FMNL1: variants seen among roughly 807,000 people sequenced by gnomAD.
The protein encoded by FMNL1 is formin like 1.
In FMNL1, 43 loss-of-function variants were observed where a neutral mutation model predicts 121.3. The ratio of observed to expected loss-of-function variants is 0.35; its 90% CI spans 0.28 to 0.46. FMNL1 has a LOEUF of 0.46. FMNL1 is among the 20% of genes least tolerant of loss of function. The pLI, the probability that FMNL1 is intolerant of heterozygous loss-of-function variation, is 1.00. For missense variants in FMNL1, 1,191 were observed against 1,482.4 expected (o/e 0.80, Z 3.23); for synonymous variants, 613 against 613.5 (o/e 1.00, Z 0.01).
chr17:45,223,035 T>C (rs1218926496), intron 1 of FMNL1, among the ~76,000 whole-genome samples: 2 of 152,082 alleles, frequency 1.3e-5, no homozygotes, highest in Non-Finnish European at 2.9e-5. Context: ...GGGTGGGGGC[T>C]CCAGAGCAGA....
At position 45,242,001 on chromosome 17, in the gene FMNL1, G is replaced by A; in HGVS notation, c.1740G>A (p.Leu580=). Residue 580 remains leucine, a synonymous_variant, in exon 15 of 27, where the codon CTG becomes CTA. Transcript: ENST00000331495. Reference sequence around the variant, plus strand: ...CGGAGCCCCCGCCTGCGCCGCCGCTGCCCGGAGACCTGCCGCCCCCACCCC... The same window carrying A: ...CGGAGCCCCCGCCTGCGCCGCCGCTACCCGGAGACCTGCCGCCCCCACCCC... ...GSPEPPPAPP[L]PGDLPPPPPP... 2 of 1,313,026 alleles carry A rather than the reference G, an allele frequency of 1.5e-6. No individual in the cohort carries two copies. The highest frequency in any genetic ancestry group is 1.9e-6 in the Non-Finnish European group (2 of 1,030,440). 81.3% of individuals were successfully genotyped at this position (1,313,026 alleles called of 1,614,324 possible).
chr17:45,245,969 C>T lies in FMNL1; in HGVS notation c.3086C>T (p.Pro1029Leu), dbSNP rs1318650247. ...CCGGGCAAAGGGGAGCCCCCAGCAC[C>T]CAAGGTAGGCAACTGCTCCTGGGCT... ...DTPGKGEPPA[P>L]KSPPKARRPQ... Residue 1029 changes from proline (P) to leucine (L), a missense_variant, in exon 24 of 27, where the codon CCC becomes CTC. Physicochemically the swap from Pro to Leu is moderately conservative, Grantham distance 98. Around this residue, in one of 4 missense-constraint regions of FMNL1, gnomAD observed 367 missense variants for 528.6 expected, o/e 0.69. Coordinates refer to ENST00000331495, the MANE Select transcript of FMNL1 (RefSeq NM_005892.4). 4 of 1,556,128 alleles carry T rather than the reference C, an allele frequency of 2.6e-6. No homozygotes were observed. Among genetic ancestry groups the T allele is most frequent in the Non-Finnish European group, 2.6e-6 (3 of 1,157,816 alleles).
rs200394335 is a variant in FMNL1, at chr17:45,245,934, C to T, written c.3051C>T (p.Gly1017=). ...WKKEAAAQEA[G]ADTPGKGEPP... ...AAGAAGCCGCTGCCCAGGAGGCAGGCGCTGATACCCCGGGCAAAGGGGAGC... is the reference window on the plus strand; with the variant it reads ...AAGAAGCCGCTGCCCAGGAGGCAGGTGCTGATACCCCGGGCAAAGGGGAGC... Residue 1017 remains glycine (G), a synonymous_variant, in exon 24 of 27, where the codon GGC becomes GGT. Coordinates refer to ENST00000331495, the MANE Select transcript of FMNL1 (RefSeq NM_005892.4). 2.5e-5 allele frequency: 39 copies of T among 1,585,002 alleles called. No homozygotes were observed. The highest frequency in any genetic ancestry group is 2.1e-4 in the Middle Eastern group (1 of 4,808).
intron 22 of FMNL1, 85 bp downstream of exon 22, chr17:45,245,501 A>AC: frequency 6.2e-7 from 1 of 1,605,232 alleles, no homozygotes; most frequent in Non-Finnish European, 8.5e-7. Context: ...CGTAGCTGGG[A>AC]CCCCTTGGGG....
rs745881522 is a variant in FMNL1 at position 45,243,363 on chromosome 17, T to G, written c.2213+43T>G. 6.2e-6 allele frequency: 10 copies of G among 1,602,238 alleles called. No individual in the cohort carries two copies. The African/African-American group carries it at 1.2e-4, about 19-fold the overall frequency. On this transcript the variant is annotated intron_variant, in intron 17 of 26. Coordinates refer to ENST00000331495, the MANE Select transcript of FMNL1 (RefSeq NM_005892.4). ...GGGTTTGTGGGCAGTCCGGCCCCTTTGCTAGGCTGGGGTTGTCAGGCAGAT... is the reference window on the plus strand; with the variant it reads ...GGGTTTGTGGGCAGTCCGGCCCCTTGGCTAGGCTGGGGTTGTCAGGCAGAT...
chr17:45,246,667 C>A, intron 26 of FMNL1, 63 bp downstream of exon 26: 8 of 1,475,592 alleles, frequency 5.4e-6, no homozygotes, highest in Non-Finnish European at 7.3e-6. Flanking sequence ...CTTGGGAGAA[C>A]TGAGGCATGC....
At position 45,227,820 on chromosome 17, in the gene FMNL1, C is replaced by T. The variant is rs144420321; in HGVS notation, c.130-2784C>T. Among the ~76,000 whole-genome samples, 4 of 152,242 alleles carry T rather than the reference C, an allele frequency of 2.6e-5. No homozygotes were observed. In the East Asian group the frequency reaches 5.8e-4, roughly 22 times the overall value. ...AGTGTGAGGCTCCGGTGAGGGAGTG[C>T]GCCCATTTTATGGAGGAGGAAGCTG... On this transcript the variant is annotated intron_variant, in intron 1 of 26. Coordinates refer to ENST00000331495, the MANE Select transcript of FMNL1 (RefSeq NM_005892.4).
Position 45,233,734 on chromosome 17 carries a change from AAGCCCCCTGCTCCC to A in FMNL1, c.485+9_485+22del. The stretch of plus-strand genomic sequence containing the variant: ...GCCTTTGCCCAGTGCTCTGTCACGT[AAGCCCCCTGCTCCC>A]AGCCCTCATGCCGCTCCTCAGAGCT... On this transcript the variant is annotated splice_donor_5th_base_variant and intron_variant, in intron 5 of 26. Coordinates refer to ENST00000331495, the MANE Select transcript of FMNL1 (RefSeq NM_005892.4). The surrounding 1 kb of genome is among the most constrained non-coding windows in gnomAD (Gnocchi z 4.1). 6.2e-7 allele frequency: 1 copy of A among 1,613,786 alleles called. No individual in the cohort carries two copies. Among genetic ancestry groups the A allele is most frequent in the Non-Finnish European group, 8.5e-7 (1 of 1,179,924 alleles).
intron 1 of FMNL1, among the ~76,000 whole-genome samples, chr17:45,228,050 C>G (rs1373473430): frequency 6.6e-6 from 1 of 152,144 alleles, no homozygotes; most frequent in Non-Finnish European, 1.5e-5. Context: ...CCCCCAGCCC[C>G]CCATCCCATG....
At chr17:45,234,326 G>A in intron 6 of FMNL1, 126 bp downstream of exon 6, 4 of 1,500,874 alleles carry the variant, frequency 2.7e-6, no homozygotes, top group Non-Finnish European at 2.7e-6. Context: ...AGGGGTCCGA[G>A]TAAGGGACTC....
rs1418621902 is a variant in FMNL1 at position 45,241,240 on chromosome 17, G to A, written c.1332+10G>A. ...GTTGGAGACCCTGCGGGTGAGGCTG[G>A]GGCGGGTGGTAGGCCAGGCGCCCAA... On this transcript the variant is annotated intron_variant, in intron 13 of 26. Transcript: ENST00000331495. This position sits in a 1 kb window ranked among gnomAD's most constrained non-coding sequence, Gnocchi z 7.0. 31 of 1,613,870 alleles carry A rather than the reference G, an allele frequency of 1.9e-5. No homozygotes were observed. Among genetic ancestry groups the A allele is most frequent in the Non-Finnish European group, 2.6e-5 (31 of 1,179,982 alleles).
At chr17:45,236,274 A>G (rs2043548232) in intron 7 of FMNL1, 30 bp downstream of exon 7, 1 of 1,587,762 alleles carries the variant, frequency 6.3e-7, no homozygotes, top group Non-Finnish European at 8.6e-7. Context: ...ACTGGCGACT[A>G]GGGAGCCCAG....
chr17:45,226,174 C>T (rs538803291), intron 1 of FMNL1, among the ~76,000 whole-genome samples: 3 of 152,330 alleles, frequency 2.0e-5, no homozygotes, highest in East Asian at 1.9e-4. Context: ...GGGCCCAGAC[C>T]GAAAACTGCC....
intron 1 of FMNL1, among the ~76,000 whole-genome samples, chr17:45,223,293 G>A (rs1292712796): frequency 1.3e-5 from 2 of 152,166 alleles, no homozygotes; most frequent in African/African-American, 4.8e-5. Flanking sequence ...GACACAGGCC[G>A]CAGAGGGTTC....
Position 45,233,416 on chromosome 17 carries a change from C to T in FMNL1, c.401+119C>T. On this transcript the variant is annotated intron_variant, in intron 4 of 26. Transcript: ENST00000331495. This position sits in a 1 kb window ranked among gnomAD's most constrained non-coding sequence, Gnocchi z 4.1. ...TGCACAAGGCTGTGCTTGTGGACCACCTCCTGGAGGTGTCCAGGACAGCTT... is the reference window on the plus strand; with the variant it reads ...TGCACAAGGCTGTGCTTGTGGACCATCTCCTGGAGGTGTCCAGGACAGCTT... The T allele has an allele frequency of 1.8e-6, 2 of 1,140,458 alleles. No individual in the cohort carries two copies. The highest frequency in any genetic ancestry group is 2.5e-6 in the Non-Finnish European group (2 of 809,070). The allele number at this position is 1,140,458 out of a possible 1,614,324, so 70.6% of individuals were successfully genotyped here. A position where few individuals can be genotyped will look rare whatever the true frequency, so the allele number is the denominator to read the frequency against.
chr17:45,238,807 T>C (rs1313673741), intron 10 of FMNL1, 148 bp from the exon 11 acceptor site: 3 of 1,070,636 alleles, frequency 2.8e-6, no homozygotes, highest in East Asian at 2.5e-5. Context: ...TGAGGGAACA[T>C]GGAGGTGAAA....
intron 11 of FMNL1, 108 bp downstream of exon 11, chr17:45,239,173 G>A (rs2043624004): frequency 2.3e-6 from 2 of 878,724 alleles, no homozygotes; most frequent in African/African-American, 1.6e-5. Flanking sequence ...TTTAAATCCT[G>A]GCTCTGCCGT....
At chr17:45,239,758 C>A (rs916760750) in intron 11 of FMNL1, among the ~76,000 whole-genome samples, 5 of 151,550 alleles carry the variant, frequency 3.3e-5, no homozygotes, top group Non-Finnish European at 7.4e-5. Context: ...TGAAAACATG[C>A]TAAGTGAAAG....
chr17:45,224,021 C>T lies in FMNL1; in HGVS notation c.129+1768C>T, dbSNP rs540795083. Among the ~76,000 whole-genome samples, 442 of 152,266 alleles carry T rather than the reference C, an allele frequency of 2.9e-3. 1 individual carries two copies. The highest frequency in any genetic ancestry group is 5.0e-3 in the Non-Finnish European group (341 of 68,018). On this transcript the variant is annotated intron_variant, in intron 1 of 26. Transcript: ENST00000331495. ...TGAGTACCAGGATGTGGAGGGGGGA[C>T]ACCCACAGGTGGGTCAGAGAGGGTG...
Sources: gnomAD v4.1 joint callset for allele counts (sites outside exome capture counted in the v4.1 genomes callset) on GRCh38, gnomAD v4.1.1 for gene constraint, gnomAD v4.1.1 regional missense constraint, Gnocchi (gnomAD v3.1) non-coding constraint, MANE v1.5 for transcripts, NCBI Gene and HGNC (gene_info 2026-07-23, HGNC 2026-07-21) for gene names.